Variants in ATG14 observed in about 807,000 individuals in gnomAD.
ATG14 encodes the protein beclin 1-associated autophagy-related key regulator.
Under a neutral mutation model 60.4 loss-of-function variants are expected in ATG14, and 35 were observed. That is an observed-to-expected ratio of 0.58 (90% CI 0.44 to 0.77). The LOEUF is 0.77. Among genes scored for constraint, ATG14 ranks in the 30% least tolerant of loss-of-function variants. The pLI is 0.00. For synonymous variants in ATG14, 234 were observed against 228.8 expected (o/e 1.02, Z -0.21); for missense variants, 647 against 626.3 (o/e 1.03, Z -0.35).
intron 1 of ATG14, among the ~76,000 whole-genome samples, chr14:55,406,645 C>T (rs1555343114): frequency 6.6e-6 from 1 of 152,088 alleles, no homozygotes; most frequent in Non-Finnish European, 1.5e-5. Flanking sequence ...GCTATTAGAA[C>T]AATGGTCCTG....
rs764196778 is a variant in ATG14, at chr14:55,385,882, G to A, written c.624C>T (p.Ile208=). Residue 208 remains isoleucine (I), a synonymous_variant, in exon 5 of 10, where the codon ATC becomes ATT. Transcript: ENST00000247178. ...ACCTCACACCCGTCTTTACTTCCTCGATTGGAAAAATGACAGAGGTGAGCT... is the reference window on the plus strand; with the variant it reads ...ACCTCACACCCGTCTTTACTTCCTCAATTGGAAAAATGACAGAGGTGAGCT... ...ILELTSVIFP[I]EEVKTGVRDP... 1.9e-5 allele frequency: 30 copies of A among 1,611,832 alleles called. No individual in the cohort carries two copies. The highest frequency in any genetic ancestry group is 8.9e-5 in the East Asian group (4 of 44,854).
In ATG14 at chr14:55,382,133, T is replaced by G. The variant is rs1167005666; in HGVS notation, c.706A>C (p.Lys236Gln). The G allele has an allele frequency of 1.1e-5, 17 of 1,614,092 alleles. No individual in the cohort carries two copies. The highest frequency in any genetic ancestry group is 1.4e-5 in the Non-Finnish European group (16 of 1,180,016). ...GTTGTCCTCCGGGCTTCAGCAAGCT[T>G]GCTCACAGTGCTGGAGGTCATGGCA... is the stretch of plus-strand genomic sequence containing the variant. Reference protein sequence around the residue: ...DSAMTSSTVSKLAEARRTTYL... With the variant: ...DSAMTSSTVSQLAEARRTTYL... Residue 236 changes from lysine (K) to glutamine (Q), a missense_variant, in exon 6 of 10, where the codon AAG (lysine) becomes CAG (glutamine). Coordinates refer to ENST00000247178, the MANE Select transcript of ATG14 (RefSeq NM_014924.5).
Position 55,377,807 on chromosome 14 carries a change from A to G in ATG14, c.1172+12T>C, listed in dbSNP as rs762894422. 24 of 1,550,846 alleles carry G rather than the reference A, an allele frequency of 1.5e-5. No individual in the cohort carries two copies. The highest frequency in any genetic ancestry group is 2.1e-5 in the Admixed American group (1 of 47,278). ...AAAAACACTTAGAGAAAAGCAACAA[A>G]TATCTTCTTACCTGCCTAGGTGTTC... On this transcript the variant is annotated intron_variant, in intron 9 of 9. Coordinates refer to ENST00000247178, the MANE Select transcript of ATG14 (RefSeq NM_014924.5).
chr14:55,372,832 A>G (rs1818075290), intron 9 of ATG14, among the ~76,000 whole-genome samples: 1 of 152,054 alleles, frequency 6.6e-6, no homozygotes. Context: ...AGAGGAGGAA[A>G]TGTCCAAGTT....
rs1429171821 is a variant in ATG14, at chr14:55,386,108, A to C, written c.410-12T>G. ...AAGGCCTTCAGAATCTAAAATAAAT[A>C]AATCACACCCAACAATTATCTCTGC... On this transcript the variant is annotated splice_polypyrimidine_tract_variant and intron_variant, in intron 4 of 9. Transcript: ENST00000247178. 1.9e-6 allele frequency: 3 copies of C among 1,595,126 alleles called. No homozygotes were observed. Among genetic ancestry groups the C allele is most frequent in the African/African-American group, 1.4e-5 (1 of 73,858 alleles).
intron 9 of ATG14, among the ~76,000 whole-genome samples, chr14:55,375,074 A>T (rs547315006): frequency 5.9e-5 from 9 of 152,274 alleles, no homozygotes; most frequent in African/African-American, 2.2e-4. Context: ...CTCATCCTGG[A>T]AAATCATAAG....
rs1032153212 is a variant in ATG14 at position 55,387,819 on chromosome 14, C to T, written c.410-1723G>A. Reference sequence around the variant, plus strand: ...GAGTAGCTAGGATTACAGGCACACACCACCACACCCAGCTAATTTCTGTAT... The same window carrying T: ...GAGTAGCTAGGATTACAGGCACACATCACCACACCCAGCTAATTTCTGTAT... On this transcript the variant is annotated intron_variant, in intron 4 of 9. Coordinates refer to ENST00000247178, the MANE Select transcript of ATG14 (RefSeq NM_014924.5). Among the ~76,000 whole-genome samples the T allele has an allele frequency of 3.3e-5, 5 of 152,226 alleles. No individual in the cohort carries two copies. In the South Asian group the frequency reaches 8.3e-4, roughly 25 times the overall value.
At chr14:55,387,963 A>G (rs2140137255) in intron 4 of ATG14, among the ~76,000 whole-genome samples, 1 of 152,188 alleles carries the variant, frequency 6.6e-6, no homozygotes, top group South Asian at 2.1e-4. Flanking sequence ...CACCTGGCCA[A>G]TTTCTTACAG....
chr14:55,391,605 C>T (rs770589886), intron 3 of ATG14, among the ~76,000 whole-genome samples: 17 of 152,114 alleles, frequency 1.1e-4, no homozygotes, highest in Non-Finnish European at 2.2e-4. Context: ...CTACTAGCCA[C>T]ATGTGGTTAC....
intron 1 of ATG14, among the ~76,000 whole-genome samples, chr14:55,401,188 T>A (rs901400390): frequency 1.3e-5 from 2 of 152,068 alleles, no homozygotes; most frequent in Non-Finnish European, 1.5e-5. Flanking sequence ...ATGAGAAAGT[T>A]TGAACAACTT....
In ATG14 at chr14:55,378,107, A is replaced by AT; in HGVS notation, c.996-34dup. 3 of 1,578,446 alleles carry AT rather than the reference A, an allele frequency of 1.9e-6. No homozygotes were observed. In the Admixed American group the frequency reaches 5.2e-5, roughly 27 times the overall value. ...ACAAACATACAATTTATAAAGTTGCATTTTTTGAGGAAATTCTATGTTAAA... is the reference window on the plus strand; with the variant it reads ...ACAAACATACAATTTATAAAGTTGCATTTTTTTGAGGAAATTCTATGTTAAA... On this transcript the variant is annotated intron_variant, in intron 7 of 9. Coordinates refer to ENST00000247178, the MANE Select transcript of ATG14 (RefSeq NM_014924.5).
intron 9 of ATG14, among the ~76,000 whole-genome samples, chr14:55,370,345 A>C (rs1292567568): frequency 6.6e-6 from 1 of 152,230 alleles, no homozygotes; most frequent in African/African-American, 2.4e-5. Flanking sequence ...TTAGTGTAAT[A>C]AGTAATAAAT....
intron 4 of ATG14, among the ~76,000 whole-genome samples, chr14:55,389,214 G>C (rs557293196): frequency 1.2e-4 from 19 of 152,374 alleles, no homozygotes; most frequent in African/African-American, 4.6e-4. Context: ...GCTCATCAGA[G>C]AAACACGCAT....
rs1344059545 is a variant in ATG14 at position 55,368,619 on chromosome 14, G to C, written c.*1000C>G. 1.3e-5 allele frequency: 2 copies of C among 152,162 alleles called. No individual in the cohort carries two copies. The highest frequency in any genetic ancestry group is 2.9e-5 in the Non-Finnish European group (2 of 68,050). 9.4% of individuals were successfully genotyped at this position (152,162 alleles called of 1,614,324 possible). On this transcript the variant is annotated 3_prime_UTR_variant, in exon 10 of 10. Coordinates refer to ENST00000247178, the MANE Select transcript of ATG14 (RefSeq NM_014924.5). ...ATTTCTGAGCAAAGCTGTGTCCTCA[G>C]AGCAACAAAGAGTTCGGGGAAACAA...
At chr14:55,408,145 A>T (rs1290511615) in intron 1 of ATG14, among the ~76,000 whole-genome samples, 3 of 152,178 alleles carry the variant, frequency 2.0e-5, no homozygotes, top group Non-Finnish European at 4.4e-5. Flanking sequence ...AAATGAAATA[A>T]ACATGAAGTT....
At chr14:55,405,739 C>G (rs2140153280) in intron 1 of ATG14, among the ~76,000 whole-genome samples, 1 of 152,288 alleles carries the variant, frequency 6.6e-6, no homozygotes, top group South Asian at 2.1e-4. Context: ...ATATGTCCAG[C>G]AGTACAGATC....
chr14:55,395,251 C>T lies in ATG14; in HGVS notation c.327+689G>A, dbSNP rs779441319. ...TTGGGCATCCTGGCTGCAGGGAAGG[C>T]GTGTGCCAAGCGCCTGCGAGGCATA... On this transcript the variant is annotated intron_variant, in intron 3 of 9. Transcript: ENST00000247178. 1.3e-4 allele frequency: 45 copies of T among 349,510 alleles called. No homozygotes were observed. The East Asian group carries it at 1.6e-3, about 12-fold the overall frequency. The allele number at this position is 349,510 out of a possible 1,614,324, so 21.7% of individuals were successfully genotyped here.
intron 1 of ATG14, among the ~76,000 whole-genome samples, chr14:55,402,930 T>TAC (rs1885429055): frequency 7.5e-5 from 1 of 13,306 alleles, no homozygotes. Flanking sequence ...AAAAAAAATA[T>TAC]ATATATATAT....
intron 4 of ATG14, among the ~76,000 whole-genome samples, chr14:55,390,445 C>G (rs1464422828): frequency 6.6e-6 from 1 of 152,102 alleles, no homozygotes; most frequent in Non-Finnish European, 1.5e-5. Context: ...GCAATCTCAG[C>G]TCACTGCAAG....
Sources: allele counts gnomAD v4.1 joint callset (sites outside exome capture counted in the v4.1 genomes callset), GRCh38; gene constraint gnomAD v4.1.1; transcripts MANE v1.5; gene names NCBI Gene and HGNC (gene_info 2026-07-23, HGNC 2026-07-21).